The following STAG1 variants were observed in gnomAD, a reference collection of about 807,000 sequenced individuals.
STAG1 encodes the protein STAG1 cohesin complex component, also known as cohesin subunit SA-1.
Under a neutral mutation model 170.9 loss-of-function variants are expected in STAG1, and 26 were observed. The observed-to-expected ratio is 0.15, with a 90% CI of 0.11 to 0.21. The LOEUF (loss-of-function observed/expected upper bound fraction) is 0.21, where lower values mean the gene tolerates loss of function less well. Among genes scored for constraint, STAG1 ranks in the 10% least tolerant of loss-of-function variants. STAG1 has a pLI of 1.00. For missense variants in STAG1, 964 were observed against 1,509.5 expected (o/e 0.64, Z 5.99); for synonymous variants, 514 against 497.7 (o/e 1.03, Z -0.44).
intron 1 of STAG1, among the ~76,000 whole-genome samples, chr3:136,691,534 G>C (rs1428881708): frequency 6.6e-6 from 1 of 152,262 alleles, no homozygotes; most frequent in South Asian, 2.1e-4. Context: ...AGGGCATGTA[G>C]AAGTTAAGCA....
At chr3:136,355,267 G>A (rs1037377748) in intron 28 of STAG1, among the ~76,000 whole-genome samples, 23 of 147,948 alleles carry the variant, frequency 1.6e-4, no homozygotes, top group Admixed American at 2.8e-4. Context: ...CAGGAGAATC[G>A]CTGGAACCCG....
chr3:136,511,792 C>T (rs1268620041), intron 7 of STAG1, among the ~76,000 whole-genome samples: 1 of 152,040 alleles, frequency 6.6e-6, no homozygotes, highest in African/African-American at 2.4e-5. Context: ...TACCCCTGAA[C>T]GTCAAATAAA....
chr3:136,587,865 G>A (rs1250937541), intron 4 of STAG1, among the ~76,000 whole-genome samples: 1 of 152,152 alleles, frequency 6.6e-6, no homozygotes, highest in Non-Finnish European at 1.5e-5. Context: ...GCAAGGCTGA[G>A]GCAGGAGAAT....
intron 3 of STAG1, among the ~76,000 whole-genome samples, chr3:136,605,255 C>A (rs985204041): frequency 1.3e-5 from 2 of 152,156 alleles, no homozygotes; most frequent in Non-Finnish European, 2.9e-5. Context: ...AGTTTACATT[C>A]TTTAATTAAC....
Position 136,604,427 on chromosome 3 carries a change from A to G in STAG1, c.179T>C (p.Ile60Thr). Residue 60 changes from isoleucine to threonine, a missense_variant, in exon 4 of 34, where the codon ATT (isoleucine) becomes ACT (threonine). This residue lies in a region of STAG1 where 108 missense variants were observed against 120.2 expected (regional missense o/e 0.90). Coordinates refer to ENST00000383202, the MANE Select transcript of STAG1 (RefSeq NM_005862.3). ...PRKSPGEKSR[I>T]EAGIRGAGRG... Reference sequence around the variant, plus strand: ...GCCTGCTCCTCTAATTCCAGCTTCAATTCTGCTCTTCTCACCTGGAGATTT... The same window carrying G: ...GCCTGCTCCTCTAATTCCAGCTTCAGTTCTGCTCTTCTCACCTGGAGATTT... The G allele has an allele frequency of 1.2e-6, 2 of 1,613,000 alleles. No individual in the cohort carries two copies. The highest frequency in any genetic ancestry group is 1.7e-6 in the Non-Finnish European group (2 of 1,179,528).
chr3:136,492,815 G>A lies in STAG1; in HGVS notation c.902+7408C>T, dbSNP rs146149345. 3.7e-3 allele frequency among the ~76,000 whole-genome samples: 562 copies of A among 152,282 alleles called. 2 individuals are homozygous for A. Among genetic ancestry groups the A allele is most frequent in the Admixed American group, 6.5e-3 (99 of 15,302 alleles). ...GAAAGTAAATTAGAAGACAGTAAGT[G>A]TATTTGTATTTTCTCCTCTTAATTT... On this transcript the variant is annotated intron_variant, in intron 9 of 33. Transcript: ENST00000383202.
chr3:136,447,887 G>C (rs903579715), intron 14 of STAG1, among the ~76,000 whole-genome samples: 2 of 151,976 alleles, frequency 1.3e-5, no homozygotes, highest in Non-Finnish European at 2.9e-5. Flanking sequence ...AAAGTGCTGG[G>C]TTTACAGGCA....
chr3:136,644,877 T>C (rs1250995049), intron 1 of STAG1, among the ~76,000 whole-genome samples: 1 of 152,086 alleles, frequency 6.6e-6, no homozygotes, highest in Non-Finnish European at 1.5e-5. Flanking sequence ...CCTGCCACCA[T>C]GCCCAGCTAA....
intron 1 of STAG1, among the ~76,000 whole-genome samples, chr3:136,722,609 ACTCTCC>A (rs757130573): frequency 0.02 from 2,932 of 143,690 alleles, 105 homozygotes; most frequent in African/African-American, 0.067. Context: ...GGAGAGCATG[ACTCTCC>A]CTCTCCCTCT....
chr3:136,679,425 A>T (rs1019626362), intron 1 of STAG1, among the ~76,000 whole-genome samples: 7 of 151,794 alleles, frequency 4.6e-5, no homozygotes, highest in Non-Finnish European at 1.0e-4. Flanking sequence ...ACAAAAAAAA[A>T]TACAAAAATT....
intron 22 of STAG1, among the ~76,000 whole-genome samples, chr3:136,383,972 AAG>A (rs1560075954): frequency 2.0e-5 from 3 of 147,298 alleles, no homozygotes; most frequent in Non-Finnish European, 4.6e-5. Context: ...AAAAAAAAAA[AAG>A]AAACAGAAAC....
chr3:136,631,959 C>A (rs13433980), intron 1 of STAG1, among the ~76,000 whole-genome samples: 54,608 of 151,764 alleles, frequency 0.36, 11,089 homozygotes, highest in African/African-American at 0.55. Context: ...ATACATCAAA[C>A]TACACAAACT....
At chr3:136,621,960 C>A (rs369493119) in intron 3 of STAG1, among the ~76,000 whole-genome samples, 3 of 139,638 alleles carry the variant, frequency 2.1e-5, no homozygotes, top group South Asian at 2.2e-4. Context: ...ATATTTTATA[C>A]TGGGACTTCA....
intron 13 of STAG1, among the ~76,000 whole-genome samples, chr3:136,459,321 T>C (rs1349695767): frequency 6.6e-6 from 1 of 151,990 alleles, no homozygotes; most frequent in Non-Finnish European, 1.5e-5. Flanking sequence ...ATAACAATTA[T>C]AAATATCTCT....
At chr3:136,689,872 T>C (rs1334888631) in intron 1 of STAG1, among the ~76,000 whole-genome samples, 1 of 151,512 alleles carries the variant, frequency 6.6e-6, no homozygotes, top group Non-Finnish European at 1.5e-5. Flanking sequence ...TAAAATCCCA[T>C]CTCTACTAAA....
chr3:136,423,336 A>G (rs934213355), intron 16 of STAG1, among the ~76,000 whole-genome samples: 1 of 152,066 alleles, frequency 6.6e-6, no homozygotes, highest in Non-Finnish European at 1.5e-5. Flanking sequence ...TCAATACCCA[A>G]TTTTTCTAGG....
At chr3:136,620,894 G>C (rs769146101) in intron 3 of STAG1, among the ~76,000 whole-genome samples, 1 of 151,968 alleles carries the variant, frequency 6.6e-6, no homozygotes, top group South Asian at 2.1e-4. Flanking sequence ...CCACAAAAGG[G>C]TTAAGCATTT....
chr3:136,376,233 C>G (rs1937606439), intron 23 of STAG1, among the ~76,000 whole-genome samples: 1 of 151,966 alleles, frequency 6.6e-6, no homozygotes, highest in Admixed American at 6.6e-5. Context: ...TACTCTTTCA[C>G]CAAACGACTC....
rs749955402 is a variant in STAG1 at position 136,485,454 on chromosome 3, C to G, written c.903-8042G>C. Among the ~76,000 whole-genome samples, 186 of 151,430 alleles carry G rather than the reference C, an allele frequency of 1.2e-3. 1 individual carries two copies. Among genetic ancestry groups the G allele is most frequent in the Non-Finnish European group, 3.5e-4 (24 of 67,864 alleles). On this transcript the variant is annotated intron_variant, in intron 9 of 33. Transcript: ENST00000383202. ...CCTGGGTGACAGAGTGAGATTCTGT[C>G]TAAAAAGAAAAAAAAAGTAGCTCTA...
Sources: allele counts gnomAD v4.1 joint callset (sites outside exome capture counted in the v4.1 genomes callset), GRCh38; gene constraint gnomAD v4.1.1; regional missense constraint gnomAD v4.1.1; transcripts MANE v1.5; gene names NCBI Gene and HGNC (gene_info 2026-07-23, HGNC 2026-07-21).